Variants in INSRR observed in about 807,000 individuals in gnomAD.
The protein encoded by INSRR is insulin receptor-related protein.
INSRR carries 114 observed loss-of-function variants against 130.0 expected under a neutral mutation model. That is an observed-to-expected ratio of 0.88 (90% CI 0.75 to 1.02). The LOEUF is 1.02. Among genes scored for constraint, INSRR ranks in the 50% least tolerant of loss-of-function variants. The probability of loss-of-function intolerance (pLI) is 0.00; values close to 1 mark genes in which losing one functional copy is unlikely to be tolerated. For synonymous variants in INSRR, 674 were observed against 705.2 expected, an observed-to-expected ratio of 0.96 and a Z score of 0.70; for missense variants, 1,657 against 1,735.2, an observed-to-expected ratio of 0.95 and a Z score of 0.80.
intron 4 of INSRR, 65 bp from the exon 5 acceptor site, chr1:156,851,499 G>T (rs1194303392): frequency 1.2e-6 from 2 of 1,606,656 alleles, no homozygotes; most frequent in African/African-American, 1.3e-5. Flanking sequence ...GGGCAAGGGG[G>T]CTGAATGGGG....
chr1:156,846,820 G>C (rs61813769), intron 7 of INSRR, 63 bp from the exon 8 acceptor site: 137,244 of 1,298,854 alleles, frequency 0.11, 7,571 homozygotes, highest in South Asian at 0.14. Flanking sequence ...TGGCACCCCC[G>C]CTCTGAATCA....
chr1:156,841,518 C>CG lies in INSRR; in HGVS notation c.3537dup (p.Val1180ArgfsTer20), dbSNP rs761392074. 91 of 1,613,886 alleles carry CG rather than the reference C, an allele frequency of 5.6e-5. No homozygotes were observed. Among genetic ancestry groups the CG allele is most frequent in the Non-Finnish European group, 7.7e-5 (91 of 1,179,978 alleles). ...AGGGTCACAATCTCCCAGAGTACCA[C>CG]GCCAAAGGACCTGGGGGCATGCAGG... On this transcript the variant is annotated frameshift_variant, in exon 21 of 22. Transcript: ENST00000368195. LOFTEE classifies it high-confidence loss of function.
intron 7 of INSRR, among the ~76,000 whole-genome samples, chr1:156,847,445 C>T (rs1381576739): frequency 6.6e-6 from 1 of 152,096 alleles, no homozygotes; most frequent in East Asian, 1.9e-4. Flanking sequence ...ACAGTGGGCC[C>T]CCCATGGGAG....
intron 2 of INSRR, among the ~76,000 whole-genome samples, chr1:156,852,602 C>A (rs756162292): frequency 6.6e-6 from 1 of 152,178 alleles, no homozygotes; most frequent in African/African-American, 2.4e-5. Flanking sequence ...AGGGAGGGGC[C>A]GACATCTGTC....
Position 156,858,774 on chromosome 1 carries a change from A to C in INSRR, c.-153T>G. On this transcript the variant is annotated 5_prime_UTR_variant, in exon 1 of 22. Transcript: ENST00000368195. The stretch of plus-strand genomic sequence containing the variant: ...ACAAGGAATCCCACACAGAGACAGC[A>C]GGAGACAGAAAAAAAGAAATGAGAG... 1.6e-6 allele frequency: 1 copy of C among 642,764 alleles called. No individual in the cohort carries two copies. Among genetic ancestry groups the C allele is most frequent in the Non-Finnish European group, 2.8e-6 (1 of 360,092 alleles). The allele number at this position is 642,764 out of a possible 1,614,324, so 39.8% of individuals were successfully genotyped here.
At chr1:156,851,203 T>G in intron 5 of INSRR, 87 bp downstream of exon 5, 1 of 1,533,470 alleles carries the variant, frequency 6.5e-7, no homozygotes, top group Non-Finnish European at 9.0e-7. Flanking sequence ...CAAAATTGGT[T>G]CCAGAGCCCA....
At position 156,840,773 on chromosome 1, in the gene INSRR, C is replaced by G. The variant is rs566782922; in HGVS notation, c.*100G>C. On this transcript the variant is annotated 3_prime_UTR_variant, in exon 22 of 22. Transcript: ENST00000368195. ...TGCCCCACCCTCGGCCATCCCTTGCCCTGAGTTGGGGTGGGGGTGAACATT... is the reference window on the plus strand; with the variant it reads ...TGCCCCACCCTCGGCCATCCCTTGCGCTGAGTTGGGGTGGGGGTGAACATT... 5.3e-5 allele frequency: 49 copies of G among 929,684 alleles called. No individual in the cohort carries two copies. In the Admixed American group the frequency reaches 9.4e-4, roughly 18 times the overall value. The allele number at this position is 929,684 out of a possible 1,614,324, so 57.6% of individuals were successfully genotyped here.
Position 156,844,828 on chromosome 1 carries a change from A to G in INSRR, c.2453T>C (p.Ile818Thr), listed in dbSNP as rs1349621348. Residue 818 changes from isoleucine to threonine, a missense_variant, in exon 13 of 22, where the codon ATT becomes ACT. By Grantham distance (89) the Ile-to-Thr change is moderately conservative. Coordinates refer to ENST00000368195, the MANE Select transcript of INSRR (RefSeq NM_014215.3). ...GGCCTCCCAGGCCACCTTTCCTGGA[A>G]TACCATCAGCCTCTCCTGCGGGAAG... is the stretch of plus-strand genomic sequence containing the variant. ...RTMPHREADG[I>T]PGKVAWEASS... The G allele has an allele frequency of 5.6e-6, 9 of 1,614,036 alleles. No individual in the cohort carries two copies. Among genetic ancestry groups the G allele is most frequent in the Non-Finnish European group, 7.6e-6 (9 of 1,180,016 alleles).
In INSRR at chr1:156,842,380, G is replaced by C. The variant is rs1288954104; in HGVS notation, c.3237+18C>G. 2 of 1,613,246 alleles carry C rather than the reference G, an allele frequency of 1.2e-6. No individual in the cohort carries two copies. Among genetic ancestry groups the C allele is most frequent in the Non-Finnish European group, 8.5e-7 (1 of 1,179,338 alleles). On this transcript the variant is annotated intron_variant, in intron 18 of 21. Coordinates refer to ENST00000368195, the MANE Select transcript of INSRR (RefSeq NM_014215.3). Reference sequence around the variant, plus strand: ...GCCCAACCCTTCTTTCACTCCCCAGGGTCTTCCTGGTCCCTACCTCTGCCT... The same window carrying C: ...GCCCAACCCTTCTTTCACTCCCCAGCGTCTTCCTGGTCCCTACCTCTGCCT...
At chr1:156,857,348 C>T (rs977148867) in intron 1 of INSRR, among the ~76,000 whole-genome samples, 2 of 152,244 alleles carry the variant, frequency 1.3e-5, no homozygotes, top group African/African-American at 2.4e-5. Context: ...CACTTCCCAT[C>T]ATGCCCCTGC....
chr1:156,849,561 G>A (rs970118064), intron 5 of INSRR, 101 bp from the exon 6 acceptor site: 6 of 824,422 alleles, frequency 7.3e-6, no homozygotes, highest in South Asian at 3.2e-5. Flanking sequence ...TGCTGGGCCC[G>A]GGGAGAGGGG....
Position 156,853,976 on chromosome 1 carries a change from GC to G in INSRR, c.412del (p.Ala138LeufsTer110), listed in dbSNP as rs751894756. On this transcript the variant is annotated frameshift_variant, in exon 2 of 22. Transcript: ENST00000368195. LOFTEE classifies it high-confidence loss of function. Reference sequence around the variant, plus strand: ...CTCCTGGTTCTTCTCCACACGCACAGCCCCACGCAGCACGGCCCCAAGTGCA... The same window carrying G: ...CTCCTGGTTCTTCTCCACACGCACAGCCCACGCAGCACGGCCCCAAGTGCA... ...LPALGAVLRG[A>X]VRVEKNQELC... is the part of the protein sequence containing the mutation. 14 of 1,613,352 alleles carry G rather than the reference GC, an allele frequency of 8.7e-6. No individual in the cohort carries two copies. Among genetic ancestry groups the G allele is most frequent in the Non-Finnish European group, 1.2e-5 (14 of 1,179,474 alleles).
intron 5 of INSRR, among the ~76,000 whole-genome samples, chr1:156,850,872 A>T (rs182876876): frequency 0.013 from 2,046 of 152,234 alleles, 24 homozygotes; most frequent in Middle Eastern, 0.054. Context: ...TTTTTATTTT[A>T]AAAAATGCTG....
rs777984778 is a variant in INSRR, at chr1:156,852,153, C to T, written c.676G>A (p.Gly226Ser). ...AGGCATTCGGTGTGGCAGCACTCGC[C>T]CCTCGCTGTGCAAGCCATCCCATGG... Reference protein sequence around the residue: ...CPHGMACTARGECCHTECLGG... With the variant: ...CPHGMACTARSECCHTECLGG... The change falls in exon 3 of 22, where the codon GGC (glycine) becomes AGC (serine). Residue 226 changes from glycine to serine, a missense_variant. Gly to Ser is a moderately conservative substitution (Grantham distance 56). Coordinates refer to ENST00000368195, the MANE Select transcript of INSRR (RefSeq NM_014215.3). 6.8e-6 allele frequency: 11 copies of T among 1,609,692 alleles called. No homozygotes were observed. Among genetic ancestry groups the T allele is most frequent in the East Asian group, 6.7e-5 (3 of 44,838 alleles).
chr1:156,849,269 C>T lies in INSRR; in HGVS notation c.1421G>A (p.Arg474His), dbSNP rs1484312359. 1 of 1,613,830 alleles carries T rather than the reference C, an allele frequency of 6.2e-7. No homozygotes were observed. The highest frequency in any genetic ancestry group is 8.5e-7 in the Non-Finnish European group (1 of 1,179,974). ...GRQNKAEINP[R>H]TNGDRAACQT... ...ACAGGCGGCGCGGTCTCCGTTGGTG[C>T]GGGGGTTGATCTCAGCCTTGTTCTG... The change falls in exon 6 of 22, where the codon CGC becomes CAC. Residue 474 changes from arginine to histidine, a missense_variant. By Grantham distance (29) the Arg-to-His change is conservative (BLOSUM62 0). Coordinates refer to ENST00000368195, the MANE Select transcript of INSRR (RefSeq NM_014215.3).
In INSRR at chr1:156,843,480, C is replaced by G. The variant is rs1654877051; in HGVS notation, c.2844-1G>C. 6.2e-7 allele frequency: 1 copy of G among 1,614,096 alleles called. No individual in the cohort carries two copies. Among genetic ancestry groups the G allele is most frequent in the South Asian group, 1.1e-5 (1 of 91,082 alleles). ...CACAGAAGCATACAGGGTTCTGTTT[C>G]TGCAACGGGAGGTGAGGGGGTCAGG... On this transcript the variant is annotated splice_acceptor_variant, in intron 15 of 21. Coordinates refer to ENST00000368195, the MANE Select transcript of INSRR (RefSeq NM_014215.3). LOFTEE classifies it high-confidence loss of function.
In INSRR at chr1:156,844,177, C is replaced by T; in HGVS notation, c.2841G>A (p.Lys947=). Residue 947 remains lysine (K), a splice_region_variant and synonymous_variant, in exon 15 of 22, where the codon AAG becomes AAA. Coordinates refer to ENST00000368195, the MANE Select transcript of INSRR (RefSeq NM_014215.3). ...LAALGFFYGK[K]RNRTLYASVN... ...GGACCGGTGGGACTTATCATCACCT[C>T]TTCTTGCCGTAGAAGAAACCAAGGG... The T allele has an allele frequency of 6.2e-7, 1 of 1,612,216 alleles. No individual in the cohort carries two copies.
At position 156,849,469 on chromosome 1, in the gene INSRR, G is replaced by A. The variant is rs369456058; in HGVS notation, c.1230-9C>T. On this transcript the variant is annotated splice_polypyrimidine_tract_variant and intron_variant, in intron 5 of 21. Transcript: ENST00000368195. ...CGTAGAGAGTGTAGTTCCTGGGGGA[G>A]GCCAGGGGACCTTGCTCTGCGGGGA... is the stretch of plus-strand genomic sequence containing the variant. 23 of 1,598,152 alleles carry A rather than the reference G, an allele frequency of 1.4e-5. No homozygotes were observed. Among genetic ancestry groups the A allele is most frequent in the Non-Finnish European group, 1.7e-5 (20 of 1,167,252 alleles).
Position 156,851,438 on chromosome 1 carries a change from G to A in INSRR, c.1085-4C>T, listed in dbSNP as rs1655201736. ...TGCAGCTGTGGCTCCAGGTTGTCTA[G>A]GGATGGGAAGACAGGGCTGGAGTAG... On this transcript the variant is annotated splice_region_variant and splice_polypyrimidine_tract_variant and intron_variant, in intron 4 of 21. Transcript: ENST00000368195. The A allele has an allele frequency of 6.2e-7, 1 of 1,614,024 alleles. No individual in the cohort carries two copies. The highest frequency in any genetic ancestry group is 8.5e-7 in the Non-Finnish European group (1 of 1,180,008).
Sources: gnomAD v4.1 joint callset for allele counts (sites outside exome capture counted in the v4.1 genomes callset) on GRCh38, gnomAD v4.1.1 for gene constraint, MANE v1.5 for transcripts, NCBI Gene and HGNC (gene_info 2026-07-23, HGNC 2026-07-21) for gene names.